SLC39A8: variants seen among roughly 807,000 people sequenced by gnomAD.
The protein encoded by SLC39A8 is solute carrier family 39 member 8, also known as metal cation symporter ZIP8.
A neutral mutation model predicts 40.4 loss-of-function variants in SLC39A8; 15 were observed. The ratio of observed to expected loss-of-function variants is 0.37; its 90% confidence interval spans 0.25 to 0.57. The LOEUF is 0.57. Ranked by LOEUF, SLC39A8 falls within the 20% of genes least tolerant of loss-of-function variation. SLC39A8 has a pLI of 0.75. For synonymous variants in SLC39A8, 223 were observed against 221.6 expected (o/e 1.01, Z -0.06); for missense variants, 472 against 558.8 (o/e 0.84, Z 1.57).
In SLC39A8 at chr4:102,315,656, C is replaced by A. The variant is rs1286496529; in HGVS notation, c.382+12G>T. 6.3e-7 allele frequency: 1 copy of A among 1,576,134 alleles called. No homozygotes were observed. The highest frequency in any genetic ancestry group is 1.4e-5 in the African/African-American group (1 of 73,182). ...CTTTTCAAATAAAAGAGAAAAAATGCTTCTAATATACCTTCTGAATGACTT... is the reference window on the plus strand; with the variant it reads ...CTTTTCAAATAAAAGAGAAAAAATGATTCTAATATACCTTCTGAATGACTT... On this transcript the variant is annotated intron_variant, in intron 3 of 8. Transcript: ENST00000356736.
Position 102,268,083 on chromosome 4 carries a change from G to T in SLC39A8, c.841-4C>A. 1.2e-6 allele frequency: 2 copies of T among 1,613,868 alleles called. No individual in the cohort carries two copies. The highest frequency in any genetic ancestry group is 1.7e-6 in the Non-Finnish European group (2 of 1,179,858). On this transcript the variant is annotated splice_region_variant and splice_polypyrimidine_tract_variant and intron_variant, in intron 6 of 8. Coordinates refer to ENST00000356736, the MANE Select transcript of SLC39A8 (RefSeq NM_001135146.2). Reference sequence around the variant, plus strand: ...AACTTGGCTCTTTTTTTCCATCCTAGCAGAAAATCAATTAAAATGATAACC... The same window carrying T: ...AACTTGGCTCTTTTTTTCCATCCTATCAGAAAATCAATTAAAATGATAACC...
intron 2 of SLC39A8, among the ~76,000 whole-genome samples, chr4:102,333,682 T>C (rs1735560714): frequency 6.6e-6 from 1 of 152,100 alleles, no homozygotes; most frequent in Non-Finnish European, 1.5e-5. Context: ...TAGACATCAA[T>C]TGTCAGCTGG....
At chr4:102,293,966 T>G (rs1300058146) in intron 6 of SLC39A8, among the ~76,000 whole-genome samples, 1 of 151,492 alleles carries the variant, frequency 6.6e-6, no homozygotes, top group East Asian at 1.9e-4. Flanking sequence ...ACAGATACAT[T>G]AATACATACA....
intron 2 of SLC39A8, among the ~76,000 whole-genome samples, chr4:102,328,900 C>A (rs956330404): frequency 1.3e-5 from 2 of 151,776 alleles, no homozygotes; most frequent in Non-Finnish European, 2.9e-5. Flanking sequence ...TGGTGGTGGG[C>A]GCCTGTAGTC....
At position 102,267,910 on chromosome 4, in the gene SLC39A8, G is replaced by C; in HGVS notation, c.1010C>G (p.Ser337Cys). The C allele has an allele frequency of 3.1e-6, 5 of 1,614,126 alleles. No individual in the cohort carries two copies. Among genetic ancestry groups the C allele is most frequent in the Non-Finnish European group, 3.4e-6 (4 of 1,180,026 alleles). ...AAACTCCTCACATAGGATTGCTATG[G>C]AAGTACTGAGTCCCTGAAGGAGAGA... is the stretch of plus-strand genomic sequence containing the variant. Reference protein sequence around the residue: ...TLSLLQGLSTSIAILCEEFPH... With the variant: ...TLSLLQGLSTCIAILCEEFPH... The change falls in exon 7 of 9, where the codon TCC becomes TGC. Residue 337 changes from serine to cysteine, a missense_variant. Coordinates refer to ENST00000356736, the MANE Select transcript of SLC39A8 (RefSeq NM_001135146.2).
intron 2 of SLC39A8, among the ~76,000 whole-genome samples, chr4:102,338,388 A>C (rs980839338): frequency 6.6e-6 from 1 of 151,934 alleles, no homozygotes; most frequent in South Asian, 2.1e-4. Flanking sequence ...GGGTTTCACC[A>C]TGTTAACCAG....
At chr4:102,322,841 T>C (rs1243534115) in intron 2 of SLC39A8, among the ~76,000 whole-genome samples, 2 of 152,150 alleles carry the variant, frequency 1.3e-5, no homozygotes, top group African/African-American at 2.4e-5. Flanking sequence ...TTGTAATGCA[T>C]TTAGACTCAA....
chr4:102,336,086 C>T (rs1450999141), intron 2 of SLC39A8, among the ~76,000 whole-genome samples: 8 of 152,068 alleles, frequency 5.3e-5, no homozygotes, highest in African/African-American at 1.9e-4. Flanking sequence ...TTTTGTATTA[C>T]GTATTATTGG....
At chr4:102,310,105 C>G (rs67152947) in intron 3 of SLC39A8, among the ~76,000 whole-genome samples, 18,314 of 152,046 alleles carry the variant, frequency 0.12, 1,333 homozygotes, top group African/African-American at 0.15. Context: ...TTATTTACCC[C>G]CTTCTCAACA....
chr4:102,279,937 C>T (rs1367711601), intron 6 of SLC39A8, among the ~76,000 whole-genome samples: 1 of 152,158 alleles, frequency 6.6e-6, no homozygotes, highest in Non-Finnish European at 1.5e-5. Flanking sequence ...TTTCTCCCTC[C>T]AGATCCGCTT....
chr4:102,265,046 C>T (rs1732040136), intron 8 of SLC39A8, among the ~76,000 whole-genome samples: 1 of 152,168 alleles, frequency 6.6e-6, no homozygotes, highest in East Asian at 1.9e-4. Flanking sequence ...TGGAGTAGCC[C>T]TTTTAATTTC....
intron 6 of SLC39A8, among the ~76,000 whole-genome samples, chr4:102,293,225 C>T (rs1255452057): frequency 6.6e-6 from 1 of 151,790 alleles, no homozygotes; most frequent in East Asian, 1.9e-4. Flanking sequence ...CAATGAAATT[C>T]AACACTGAGA....
intron 3 of SLC39A8, among the ~76,000 whole-genome samples, chr4:102,310,031 A>G (rs1734355946): frequency 6.6e-6 from 1 of 151,940 alleles, no homozygotes; most frequent in African/African-American, 2.4e-5. Flanking sequence ...CACAAAAGTG[A>G]TCATCTCATG....
At chr4:102,265,897 C>T (rs768962364) in intron 8 of SLC39A8, among the ~76,000 whole-genome samples, 1 of 152,162 alleles carries the variant, frequency 6.6e-6, no homozygotes, top group Non-Finnish European at 1.5e-5. Context: ...TCAAGTTTAC[C>T]CAGCAAAATC....
intron 3 of SLC39A8, among the ~76,000 whole-genome samples, chr4:102,313,788 T>C (rs1734544332): frequency 6.6e-6 from 1 of 151,976 alleles, no homozygotes; most frequent in African/African-American, 2.4e-5. Flanking sequence ...GGGGTCTCAC[T>C]ATGTTTCCCA....
intron 6 of SLC39A8, among the ~76,000 whole-genome samples, chr4:102,283,066 A>G (rs1382508556): frequency 1.3e-5 from 2 of 152,194 alleles, no homozygotes; most frequent in Non-Finnish European, 2.9e-5. Flanking sequence ...TCTTGCATCT[A>G]ACTTTGTGGA....
intron 6 of SLC39A8, among the ~76,000 whole-genome samples, chr4:102,271,758 A>G (rs1295703719): frequency 6.6e-6 from 1 of 152,198 alleles, no homozygotes; most frequent in Non-Finnish European, 1.5e-5. Flanking sequence ...AGTGCAACTG[A>G]TATATAGCCA....
chr4:102,338,466 GT>G (rs979383784), intron 2 of SLC39A8, among the ~76,000 whole-genome samples: 2 of 152,094 alleles, frequency 1.3e-5, no homozygotes, highest in African/African-American at 4.8e-5. Flanking sequence ...GATTACAGGC[GT>G]TAGCCACCGC....
intron 11 of SLC39A8, among the ~76,000 whole-genome samples, chr4:102,256,056 C>T (rs915716278): frequency 6.6e-6 from 1 of 152,136 alleles, no homozygotes; most frequent in Non-Finnish European, 1.5e-5. Flanking sequence ...CACCTTCCTC[C>T]ACAGTTTCTA....
Sources: gnomAD v4.1 joint callset for allele counts (sites outside exome capture counted in the v4.1 genomes callset) on GRCh38, gnomAD v4.1.1 for gene constraint, MANE v1.5 for transcripts, NCBI Gene and HGNC (gene_info 2026-07-23, HGNC 2026-07-21) for gene names.